The following RAB18 variants were observed in gnomAD, a reference collection of about 807,000 sequenced individuals.
RAB18 encodes the protein RAB18, member RAS oncogene family.
RAB18 carries 10 observed loss-of-function variants against 28.5 expected under a neutral mutation model. That is an observed-to-expected ratio of 0.35 (90% CI 0.22 to 0.60). The LOEUF is 0.60. RAB18 is among the 20% of genes least tolerant of loss of function. RAB18 has a pLI of 0.78. For missense variants in RAB18, 188 were observed against 244.2 expected (o/e 0.77, Z 1.53); for synonymous variants, 93 against 86.9 (o/e 1.07, Z -0.39).
chr10:27,538,241 C>T lies in RAB18; in HGVS notation c.*190C>T, dbSNP rs951971739. ...TGTTATGGTAAGCATGCACAGTTTG[C>T]AGTCTACAGTTTTTTTATGTAGCAC... On this transcript the variant is annotated 3_prime_UTR_variant, in exon 7 of 7. Coordinates refer to ENST00000356940, the MANE Select transcript of RAB18 (RefSeq NM_021252.5). The T allele has an allele frequency of 5.3e-6, 4 of 754,516 alleles. No homozygotes were observed. Among genetic ancestry groups the T allele is most frequent in the Admixed American group, 4.0e-5 (2 of 49,630 alleles). The allele number at this position is 754,516 out of a possible 1,614,324, so 46.7% of individuals were successfully genotyped here.
chr10:27,539,653 C>T lies in RAB18; in HGVS notation c.*1602C>T. ...TTATGTAGAGTCTGTATTGACAAGA[C>T]TGTTGTTTTTTGCTCCTTGAGCTAT... On this transcript the variant is annotated 3_prime_UTR_variant, in exon 7 of 7. Coordinates refer to ENST00000356940, the MANE Select transcript of RAB18 (RefSeq NM_021252.5). The T allele has an allele frequency of 2.2e-6, 1 of 453,380 alleles. No individual in the cohort carries two copies. Among genetic ancestry groups the T allele is most frequent in the Non-Finnish European group, 4.4e-6 (1 of 226,550 alleles). The allele number at this position is 453,380 out of a possible 1,614,324, so 28.1% of individuals were successfully genotyped here.
chr10:27,507,562 T>C (rs1360844129), intron 1 of RAB18, among the ~76,000 whole-genome samples: 1 of 151,184 alleles, frequency 6.6e-6, no homozygotes, highest in African/African-American at 2.4e-5. Flanking sequence ...TTTTTTTTTT[T>C]GGTGAATTTC....
In RAB18 at chr10:27,527,169, T is replaced by C. The variant is rs1305370947; in HGVS notation, c.186+280T>C. The stretch of plus-strand genomic sequence containing the variant: ...TCTCATCTGCCAAAGAGAATCATAA[T>C]TGGATATGTTTCTTTGAAGTTTTAA... On this transcript the variant is annotated intron_variant, in intron 3 of 6. Coordinates refer to ENST00000356940, the MANE Select transcript of RAB18 (RefSeq NM_021252.5). 6.3e-6 allele frequency: 3 copies of C among 475,572 alleles called. No homozygotes were observed. In the East Asian group the frequency reaches 1.5e-4, roughly 24 times the overall value. 29.5% of individuals were successfully genotyped at this position (475,572 alleles called of 1,614,324 possible).
Position 27,538,271 on chromosome 10 carries a change from T to C in RAB18, c.*220T>C. 1.5e-6 allele frequency: 1 copy of C among 665,480 alleles called. No individual in the cohort carries two copies. Among genetic ancestry groups the C allele is most frequent in the South Asian group, 1.5e-5 (1 of 66,420 alleles). The allele number at this position is 665,480 out of a possible 1,614,324, so 41.2% of individuals were successfully genotyped here. Reference sequence around the variant, plus strand: ...TACAGTTTTTTTATGTAGCACAAAATAGGTGTACCTTTATAAGTACATTCA... The same window carrying C: ...TACAGTTTTTTTATGTAGCACAAAACAGGTGTACCTTTATAAGTACATTCA... On this transcript the variant is annotated 3_prime_UTR_variant, in exon 7 of 7. Coordinates refer to ENST00000356940, the MANE Select transcript of RAB18 (RefSeq NM_021252.5).
intron 4 of RAB18, among the ~76,000 whole-genome samples, chr10:27,533,505 T>G (rs1834828965): frequency 6.6e-6 from 1 of 152,100 alleles, no homozygotes; most frequent in African/African-American, 2.4e-5. Flanking sequence ...CAGGATATAA[T>G]TTCATTTCTG....
chr10:27,533,601 T>C, intron 4 of RAB18, 134 bp from the exon 5 acceptor site: 1 of 1,015,612 alleles, frequency 9.8e-7, no homozygotes, highest in South Asian at 1.6e-5. Flanking sequence ...AGACACTCAA[T>C]ATTAATCGTT....
At chr10:27,533,625 A>G (rs956079279) in intron 4 of RAB18, 110 bp from the exon 5 acceptor site, 20 of 1,320,148 alleles carry the variant, frequency 1.5e-5, no homozygotes, top group Admixed American at 6.6e-5. Context: ...GACAATAAAA[A>G]AAAGACTTGT....
chr10:27,511,022 C>T (rs904064586), intron 2 of RAB18, among the ~76,000 whole-genome samples: 2 of 152,098 alleles, frequency 1.3e-5, no homozygotes, highest in Non-Finnish European at 2.9e-5. Context: ...ATGTCTTCAA[C>T]GTCTGCATAC....
Position 27,539,600 on chromosome 10 carries a change from G to A in RAB18, c.*1549G>A, listed in dbSNP as rs1417243238. 3 of 445,966 alleles carry A rather than the reference G, an allele frequency of 6.7e-6. No individual in the cohort carries two copies. Among genetic ancestry groups the A allele is most frequent in the South Asian group, 3.2e-5 (2 of 61,732 alleles). The allele number at this position is 445,966 out of a possible 1,614,324, so 27.6% of individuals were successfully genotyped here. A position where few individuals can be genotyped will look rare whatever the true frequency, so the allele number is the denominator to read the frequency against. On this transcript the variant is annotated 3_prime_UTR_variant, in exon 7 of 7. Transcript: ENST00000356940. ...ACACATGTACTTGTGATTTGTTCAT[G>A]TTATATTAAAACTTGAGATTTGTGT...
chr10:27,521,910 C>G (rs1385364643), intron 2 of RAB18, among the ~76,000 whole-genome samples: 2 of 151,806 alleles, frequency 1.3e-5, no homozygotes, highest in African/African-American at 2.4e-5. Context: ...GTGATGTGCT[C>G]TGGTTCTGCA....
intron 2 of RAB18, among the ~76,000 whole-genome samples, chr10:27,513,613 A>G (rs1396563168): frequency 6.6e-6 from 1 of 152,154 alleles, no homozygotes; most frequent in Non-Finnish European, 1.5e-5. Context: ...CTGACACACA[A>G]ACCCAGCATT....
Position 27,538,436 on chromosome 10 carries a change from A to G in RAB18, c.*385A>G. 2.2e-6 allele frequency: 1 copy of G among 456,194 alleles called. No individual in the cohort carries two copies. The highest frequency in any genetic ancestry group is 4.4e-6 in the Non-Finnish European group (1 of 227,974). 28.3% of individuals were successfully genotyped at this position (456,194 alleles called of 1,614,324 possible). On this transcript the variant is annotated 3_prime_UTR_variant, in exon 7 of 7. Transcript: ENST00000356940. ...GAATTACTTGGTATTTAGAACTCCT[A>G]GCACCACGGGGAAGAATAGAGGTAT...
chr10:27,524,974 T>C (rs1834642671), intron 2 of RAB18, among the ~76,000 whole-genome samples: 1 of 152,222 alleles, frequency 6.6e-6, no homozygotes, highest in Non-Finnish European at 1.5e-5. Flanking sequence ...GTTCAGTGTC[T>C]CCTGTGGATG....
At position 27,540,499 on chromosome 10, in the gene RAB18, G is replaced by C. The variant is rs980213297; in HGVS notation, c.*2448G>C. On this transcript the variant is annotated 3_prime_UTR_variant, in exon 7 of 7. Transcript: ENST00000356940. ...TATCACTCTTTTGTTATATGTAATA[G>C]AAGTATTTCACACTTTTGGGTTATA... is the stretch of plus-strand genomic sequence containing the variant. 2.2e-6 allele frequency: 1 copy of C among 453,922 alleles called. No individual in the cohort carries two copies. The highest frequency in any genetic ancestry group is 2.0e-5 in the African/African-American group (1 of 49,982). 28.1% of individuals were successfully genotyped at this position (453,922 alleles called of 1,614,324 possible).
At position 27,541,701 on chromosome 10, in the gene RAB18, T is replaced by C. The variant is rs184935595; in HGVS notation, c.*3650T>C. ...ATTACGTAGTTTTTTTTGTGTTTCT[T>C]TGATTACTAGTGAGCTTGAGTACTT... is the stretch of plus-strand genomic sequence containing the variant. On this transcript the variant is annotated 3_prime_UTR_variant, in exon 7 of 7. Transcript: ENST00000356940. 4 of 449,458 alleles carry C rather than the reference T, an allele frequency of 8.9e-6. No individual in the cohort carries two copies. The highest frequency in any genetic ancestry group is 1.3e-5 in the Non-Finnish European group (3 of 225,764). The allele number at this position is 449,458 out of a possible 1,614,324, so 27.8% of individuals were successfully genotyped here. A position where few individuals can be genotyped will look rare whatever the true frequency, so the allele number is the denominator to read the frequency against.
At position 27,532,725 on chromosome 10, in the gene RAB18, TAATG is replaced by T. The variant is rs531526392; in HGVS notation, c.259+150_259+153del. 5.8e-4 allele frequency: 364 copies of T among 623,930 alleles called. 2 individuals carry two copies. In the African/African-American group the frequency reaches 6.2e-3, roughly 11 times the overall value. The allele number at this position is 623,930 out of a possible 1,614,324, so 38.6% of individuals were successfully genotyped here. A position where few individuals can be genotyped will look rare whatever the true frequency, so the allele number is the denominator to read the frequency against. On this transcript the variant is annotated intron_variant, in intron 4 of 6. Transcript: ENST00000356940. Reference sequence around the variant, plus strand: ...TAGTTGTATTAACTTCATGTAATATTAATGAATATTAAAACTTTTGATTTTAGTC... The same window carrying T: ...TAGTTGTATTAACTTCATGTAATATTAATATTAAAACTTTTGATTTTAGTC...
chr10:27,519,132 A>C (rs888513612), intron 2 of RAB18, among the ~76,000 whole-genome samples: 4 of 151,596 alleles, frequency 2.6e-5, no homozygotes, highest in Non-Finnish European at 5.9e-5. Flanking sequence ...CCACATAGGA[A>C]AAGTTGGTTT....
At position 27,514,370 on chromosome 10, in the gene RAB18, T is replaced by G. The variant is rs537156381; in HGVS notation, c.124+4440T>G. ...TTTACTGCTGAGAGCACAACGCACT[T>G]GACATAAGAGGCCGGGGAAGAAATA... On this transcript the variant is annotated intron_variant, in intron 2 of 6. Coordinates refer to ENST00000356940, the MANE Select transcript of RAB18 (RefSeq NM_021252.5). 2.6e-5 allele frequency among the ~76,000 whole-genome samples: 4 copies of G among 152,244 alleles called. No homozygotes were observed. In the South Asian group the frequency reaches 8.3e-4, roughly 32 times the overall value.
chr10:27,539,381 C>G lies in RAB18; in HGVS notation c.*1330C>G. ...GATAAGCATTTTTGTGAGTGACCAC[C>G]TTTGCAATATGTTTGTTAATTTACT... is the stretch of plus-strand genomic sequence containing the variant. On this transcript the variant is annotated 3_prime_UTR_variant, in exon 7 of 7. Transcript: ENST00000356940. 3.4e-6 allele frequency: 1 copy of G among 295,032 alleles called. No homozygotes were observed. The highest frequency in any genetic ancestry group is 3.2e-5 in the South Asian group (1 of 31,630). 18.3% of individuals were successfully genotyped at this position (295,032 alleles called of 1,614,324 possible).
Sources: allele counts gnomAD v4.1 joint callset (sites outside exome capture counted in the v4.1 genomes callset), GRCh38; gene constraint gnomAD v4.1.1; transcripts MANE v1.5; gene names NCBI Gene and HGNC (gene_info 2026-07-23, HGNC 2026-07-21).